KIAA0319L: variants seen among roughly 807,000 people sequenced by gnomAD.
The protein encoded by KIAA0319L is KIAA0319 like.
Under a neutral mutation model 120.1 loss-of-function variants are expected in KIAA0319L, and 55 were observed. The ratio of observed to expected loss-of-function variants is 0.46; its 90% CI spans 0.37 to 0.57. KIAA0319L has a LOEUF of 0.57. Among genes scored for constraint, KIAA0319L ranks in the 20% least tolerant of loss-of-function variants. The pLI, the probability that KIAA0319L is intolerant of heterozygous loss-of-function variation, is 0.00. For synonymous variants in KIAA0319L, 398 were observed against 471.9 expected, an observed-to-expected ratio of 0.84 and a Z score of 2.03; for missense variants, 1,049 against 1,255.3, an observed-to-expected ratio of 0.84 and a Z score of 2.48.
chr1:35,519,938 T>G (rs1645841857), intron 2 of KIAA0319L, among the ~76,000 whole-genome samples: 1 of 152,158 alleles, frequency 6.6e-6, no homozygotes, highest in Non-Finnish European at 1.5e-5. Flanking sequence ...GAATCTGTTC[T>G]GAGAGCTGGG....
intron 2 of KIAA0319L, among the ~76,000 whole-genome samples, chr1:35,543,314 A>C (rs1437089644): frequency 6.6e-6 from 1 of 152,210 alleles, no homozygotes; most frequent in Non-Finnish European, 1.5e-5. Flanking sequence ...CAGTCTGAGG[A>C]GACTGATTTA....
At chr1:35,485,806 T>C (rs1265471790) in intron 3 of KIAA0319L, among the ~76,000 whole-genome samples, 2 of 152,188 alleles carry the variant, frequency 1.3e-5, no homozygotes, top group Non-Finnish European at 2.9e-5. Context: ...TTTATTTATT[T>C]TTTTTCCTTT....
chr1:35,436,146 G>C lies in KIAA0319L; in HGVS notation c.2963-1065C>G, dbSNP rs1292078415. Among the ~76,000 whole-genome samples the C allele has an allele frequency of 3.3e-5, 5 of 152,250 alleles. No homozygotes were observed. The East Asian group carries it at 5.8e-4, about 18-fold the overall frequency. On this transcript the variant is annotated intron_variant, in intron 20 of 20. Transcript: ENST00000325722. Reference sequence around the variant, plus strand: ...AGGATCCAGATCTCCCTCACATACTGAAAGTGCCTTGAGAGGATTCCCAGC... The same window carrying C: ...AGGATCCAGATCTCCCTCACATACTCAAAGTGCCTTGAGAGGATTCCCAGC...
chr1:35,492,384 T>G (rs1644630163), intron 3 of KIAA0319L, among the ~76,000 whole-genome samples: 2 of 151,892 alleles, frequency 1.3e-5, no homozygotes, highest in East Asian at 1.9e-4. Context: ...TGTGGTGGCA[T>G]GCGCCTGTAG....
At position 35,554,535 on chromosome 1, in the gene KIAA0319L, G is replaced by A; in HGVS notation, c.-28-16C>T. ...AACCAGTACACTAGAAGGACAGAAAGAGAAGAAATTACATGCCGAGTAATT... is the reference window on the plus strand; with the variant it reads ...AACCAGTACACTAGAAGGACAGAAAAAGAAGAAATTACATGCCGAGTAATT... On this transcript the variant is annotated splice_polypyrimidine_tract_variant and intron_variant, in intron 1 of 20. Coordinates refer to ENST00000325722, the MANE Select transcript of KIAA0319L (RefSeq NM_024874.5). The A allele has an allele frequency of 6.8e-7, 1 of 1,474,684 alleles. No individual in the cohort carries two copies. Among genetic ancestry groups the A allele is most frequent in the Non-Finnish European group, 9.1e-7 (1 of 1,095,206 alleles). The allele number at this position is 1,474,684 out of a possible 1,614,324, so 91.3% of individuals were successfully genotyped here.
rs759928836 is a variant in KIAA0319L at position 35,444,231 on chromosome 1, C to G, written c.2586G>C (p.Met862Ile). ...QIFKGHEVAA[M>I]LKSELRKQKA... is the part of the protein sequence containing the mutation. ...TTTGCTTCCGCAGCTCACTCTTGAGCATCGCTGCCACCTCATGGCCTTTGA... is the reference window on the plus strand; with the variant it reads ...TTTGCTTCCGCAGCTCACTCTTGAGGATCGCTGCCACCTCATGGCCTTTGA... Residue 862 changes from methionine (M) to isoleucine (I), a missense_variant, in exon 17 of 21, where the codon ATG becomes ATC. Met to Ile is a conservative substitution (Grantham distance 10). Coordinates refer to ENST00000325722, the MANE Select transcript of KIAA0319L (RefSeq NM_024874.5). 6.2e-7 allele frequency: 1 copy of G among 1,610,166 alleles called. No individual in the cohort carries two copies.
intron 14 of KIAA0319L, 58 bp downstream of exon 14, chr1:35,450,300 C>T (rs565756488): frequency 1.6e-5 from 24 of 1,529,860 alleles, no homozygotes; most frequent in South Asian, 1.3e-4. Flanking sequence ...TATACTGGAA[C>T]GCGTGGCTCC....
At chr1:35,488,837 G>A (rs1446743419) in intron 3 of KIAA0319L, among the ~76,000 whole-genome samples, 4 of 152,176 alleles carry the variant, frequency 2.6e-5, no homozygotes, top group Non-Finnish European at 4.4e-5. Context: ...GAAGTCACTG[G>A]TGACCCTGGC....
intron 2 of KIAA0319L, among the ~76,000 whole-genome samples, chr1:35,536,678 T>C (rs560924406): frequency 1.1e-4 from 17 of 152,162 alleles, no homozygotes; most frequent in Non-Finnish European, 1.9e-4. Context: ...TGGATACAGG[T>C]GCTATTCCAT....
In KIAA0319L at chr1:35,537,273, G is replaced by A. The variant is rs1030126344; in HGVS notation, c.142+17077C>T. 9.2e-5 allele frequency among the ~76,000 whole-genome samples: 14 copies of A among 151,852 alleles called. 1 individual carries two copies. In the East Asian group the frequency reaches 2.7e-3, roughly 29 times the overall value. On this transcript the variant is annotated intron_variant, in intron 2 of 20. Transcript: ENST00000325722. ...TTTCTCATTGCAGTTATTACCGGCT[G>A]ATAAATTATTTGCATTCAGCACAAT...
intron 2 of KIAA0319L, among the ~76,000 whole-genome samples, chr1:35,540,934 T>C (rs908274672): frequency 8.5e-5 from 13 of 152,128 alleles, no homozygotes; most frequent in Non-Finnish European, 1.8e-4. Context: ...TGCTCACCAA[T>C]GTATTAATTT....
rs192351899 is a variant in KIAA0319L at position 35,466,170 on chromosome 1, A to G, written c.1201+438T>C. On this transcript the variant is annotated intron_variant, in intron 7 of 20. Coordinates refer to ENST00000325722, the MANE Select transcript of KIAA0319L (RefSeq NM_024874.5). ...ATGACATGATTTTGTTACCAAGGTG[A>G]AAGAGACTGGTAGTGTTTAAATGAG... 2.9e-3 allele frequency among the ~76,000 whole-genome samples: 440 copies of G among 152,314 alleles called. 2 individuals are homozygous for G. The highest frequency in any genetic ancestry group is 0.01 in the African/African-American group (422 of 41,572).
At chr1:35,465,247 G>A (rs937033202) in intron 7 of KIAA0319L, among the ~76,000 whole-genome samples, 1 of 152,238 alleles carries the variant, frequency 6.6e-6, no homozygotes, top group African/African-American at 2.4e-5. Flanking sequence ...GTAGCTGAGA[G>A]GGAGGCTGTA....
At chr1:35,519,149 C>T (rs778050069) in intron 2 of KIAA0319L, among the ~76,000 whole-genome samples, 20 of 151,942 alleles carry the variant, frequency 1.3e-4, no homozygotes, top group Non-Finnish European at 2.4e-4. Context: ...GATAGAGAGA[C>T]AGGTATAAAC....
intron 3 of KIAA0319L, among the ~76,000 whole-genome samples, chr1:35,481,012 G>C (rs1278569558): frequency 6.6e-6 from 1 of 152,130 alleles, no homozygotes; most frequent in Non-Finnish European, 1.5e-5. Context: ...AGTGAGATTA[G>C]TTTGGGTTTT....
chr1:35,454,540 A>G, intron 10 of KIAA0319L, 55 bp from the exon 11 acceptor site: 1 of 1,602,136 alleles, frequency 6.2e-7, no homozygotes, highest in Middle Eastern at 1.7e-4. Flanking sequence ...ACATCACACA[A>G]TAATTCCGAC....
Position 35,484,791 on chromosome 1 carries a change from TATATATATATA to T in KIAA0319L, c.667-5590_667-5580del, listed in dbSNP as rs1478189848. 2.3e-3 allele frequency among the ~76,000 whole-genome samples: 149 copies of T among 65,500 alleles called. 4 individuals are homozygous for T. In the Middle Eastern group the frequency reaches 0.041, roughly 18 times the overall value. 43.0% of individuals were successfully genotyped at this position (65,500 alleles called of 152,430 possible). On this transcript the variant is annotated intron_variant, in intron 3 of 20. Transcript: ENST00000325722. ...TCATATATATATATATATATATATA[TATATATATATA>T]TATATTTTTTTTTTTATTATACTCT...
intron 2 of KIAA0319L, chr1:35,509,883 C>A (rs1290272384): frequency 6.6e-6 from 1 of 152,464 alleles, no homozygotes; most frequent in Non-Finnish European, 1.5e-5. Flanking sequence ...AACTAATCAC[C>A]CAACTGCAGC....
At chr1:35,557,070 C>G (rs766198733) in intron 1 of KIAA0319L, 137 bp downstream of exon 1, 1 of 153,992 alleles carries the variant, frequency 6.5e-6, no homozygotes, top group Non-Finnish European at 1.5e-5. Context: ...AAGCAGCTGG[C>G]TGCCCTGGCC....
Sources: allele counts gnomAD v4.1 joint callset (sites outside exome capture counted in the v4.1 genomes callset), GRCh38; gene constraint gnomAD v4.1.1; transcripts MANE v1.5; gene names NCBI Gene and HGNC (gene_info 2026-07-23, HGNC 2026-07-21).